GALNT13: variants seen among roughly 807,000 people sequenced by gnomAD.
GALNT13 encodes the protein polypeptide N-acetylgalactosaminyltransferase 13, also known as UDP-GalNAc:polypeptide N-acetylgalactosaminyltransferase 13.
In GALNT13, 28 loss-of-function variants were observed where a neutral mutation model predicts 64.2. That is an observed-to-expected ratio of 0.44 (90% CI 0.32 to 0.60). GALNT13 has a LOEUF of 0.60. Ranked by LOEUF, GALNT13 falls within the 20% of genes least tolerant of loss-of-function variation. The pLI, the probability that GALNT13 is intolerant of heterozygous loss-of-function variation, is 0.05. For missense variants in GALNT13, 577 were observed against 669.8 expected (o/e 0.86, Z 1.53); for synonymous variants, 214 against 224.6 (o/e 0.95, Z 0.42).
At chr2:153,729,122 TC>T in the GALNT13 span, among the ~76,000 whole-genome samples, 2 of 152,298 alleles carry the variant, frequency 1.3e-5, no homozygotes, top group East Asian at 3.9e-4. Flanking sequence ...GAAGGACTAC[TC>T]CCTAACTCAT....
the GALNT13 span, among the ~76,000 whole-genome samples, chr2:153,204,805 T>G: frequency 6.6e-6 from 1 of 152,128 alleles, no homozygotes; most frequent in Admixed American, 6.5e-5. Flanking sequence ...TATCTATACA[T>G]GCTTGTATAT....
chr2:153,161,352 C>T, the GALNT13 span, among the ~76,000 whole-genome samples: 3 of 152,148 alleles, frequency 2.0e-5, no homozygotes, highest in Non-Finnish European at 4.4e-5. Context: ...ACCAAGGATA[C>T]AGCAGTGAAA....
At chr2:154,304,696 C>A (rs1283177509) in intron 9 of GALNT13, among the ~76,000 whole-genome samples, 1 of 152,152 alleles carries the variant, frequency 6.6e-6, no homozygotes, top group East Asian at 1.9e-4. Flanking sequence ...GAACTAATGA[C>A]TTTATGTTGC....
At chr2:154,164,158 T>G (rs1684892112) in intron 4 of GALNT13, among the ~76,000 whole-genome samples, 1 of 151,972 alleles carries the variant, frequency 6.6e-6, no homozygotes, top group African/African-American at 2.4e-5. Context: ...TATTCTAATG[T>G]CCCAACATAT....
chr2:153,639,929 G>A, the GALNT13 span, among the ~76,000 whole-genome samples: 5 of 152,010 alleles, frequency 3.3e-5, no homozygotes, highest in African/African-American at 9.7e-5. Flanking sequence ...GGAAATTCTC[G>A]GCTTCCTGTA....
intron 3 of GALNT13, among the ~76,000 whole-genome samples, chr2:154,114,587 T>TTCCTTAAGGGG (rs988001009): frequency 6.6e-6 from 1 of 152,236 alleles, no homozygotes; most frequent in Admixed American, 6.5e-5. Context: ...AGTGGGGTCC[T>TTCCTTAAGGGG]TCCTTAAGGG....
chr2:154,117,639 C>T (rs761264862), intron 3 of GALNT13, among the ~76,000 whole-genome samples: 14 of 152,086 alleles, frequency 9.2e-5, no homozygotes, highest in Non-Finnish European at 1.8e-4. Flanking sequence ...CATAAATAGA[C>T]ACATTGACCA....
chr2:153,803,691 CAAAAAA>C, the GALNT13 span, among the ~76,000 whole-genome samples: 56 of 105,100 alleles, frequency 5.3e-4, no homozygotes, highest in African/African-American at 1.9e-3. Flanking sequence ...GACTCTGTCT[CAAAAAA>C]AAAAAAAAAA....
At chr2:154,323,427 T>G (rs542396415) in intron 9 of GALNT13, among the ~76,000 whole-genome samples, 1 of 152,208 alleles carries the variant, frequency 6.6e-6, no homozygotes, top group African/African-American at 2.4e-5. Flanking sequence ...CTAAATAGCT[T>G]ATTTATTTGT....
At chr2:153,617,510 T>G in the GALNT13 span, among the ~76,000 whole-genome samples, 64 of 151,940 alleles carry the variant, frequency 4.2e-4, no homozygotes, top group African/African-American at 1.5e-3. Context: ...AGACATTGGC[T>G]TGTAGTTTTA....
rs79182332 is a variant in GALNT13 at position 154,352,862 on chromosome 2, G to T, written c.1157-43129G>T. ...TTCTGTGGAATTTGGCAAGTCCAGTGCAGTGTCTAACTGGGACCATCTCCT... is the reference window on the plus strand; with the variant it reads ...TTCTGTGGAATTTGGCAAGTCCAGTTCAGTGTCTAACTGGGACCATCTCCT... On this transcript the variant is annotated intron_variant, in intron 9 of 12. Coordinates refer to ENST00000392825, the MANE Select transcript of GALNT13 (RefSeq NM_052917.4). 2.3e-3 allele frequency among the ~76,000 whole-genome samples: 353 copies of T among 152,264 alleles called. 3 individuals are homozygous for T. Among genetic ancestry groups the T allele is most frequent in the African/African-American group, 8.2e-3 (342 of 41,550 alleles).
chr2:153,682,072 A>G, the GALNT13 span, among the ~76,000 whole-genome samples: 5 of 151,726 alleles, frequency 3.3e-5, no homozygotes, highest in African/African-American at 1.2e-4. Context: ...CGTGGCATAT[A>G]CTGTACACTA....
chr2:154,233,052 AAAAAAG>A (rs1477938938), intron 4 of GALNT13, among the ~76,000 whole-genome samples: 5 of 151,418 alleles, frequency 3.3e-5, no homozygotes, highest in African/African-American at 7.2e-5. Context: ...AAAAAAAAAA[AAAAAAG>A]AAAAAGAAAA....
the GALNT13 span, among the ~76,000 whole-genome samples, chr2:153,728,203 A>T: frequency 6.6e-6 from 1 of 152,200 alleles, no homozygotes; most frequent in Non-Finnish European, 1.5e-5. Flanking sequence ...TGCAATAAAC[A>T]TACGTGTGCA....
intron 3 of GALNT13, among the ~76,000 whole-genome samples, chr2:154,022,935 G>C (rs908819531): frequency 3.3e-5 from 5 of 152,136 alleles, no homozygotes; most frequent in African/African-American, 1.2e-4. Flanking sequence ...CTTTATTTCT[G>C]CCTTCATTTC....
intron 8 of GALNT13, among the ~76,000 whole-genome samples, chr2:154,271,369 A>T (rs980620253): frequency 2.0e-5 from 3 of 152,102 alleles, no homozygotes; most frequent in Admixed American, 1.3e-4. Flanking sequence ...AATTTTGGAG[A>T]AGTTAAATAT....
At chr2:153,508,656 G>A in the GALNT13 span, among the ~76,000 whole-genome samples, 8 of 152,204 alleles carry the variant, frequency 5.3e-5, no homozygotes, top group Non-Finnish European at 8.8e-5. Context: ...CCCCGCTGAT[G>A]AAGCAAGTTG....
the GALNT13 span, among the ~76,000 whole-genome samples, chr2:153,310,137 T>C: frequency 9.9e-5 from 15 of 152,238 alleles, no homozygotes; most frequent in Non-Finnish European, 1.9e-4. Context: ...TAATGAAACC[T>C]ATTCTATAAT....
At chr2:154,370,153 A>G (rs1383211339) in intron 9 of GALNT13, among the ~76,000 whole-genome samples, 1 of 152,068 alleles carries the variant, frequency 6.6e-6, no homozygotes, top group African/African-American at 2.4e-5. Context: ...TGGGGGATAC[A>G]AGTCAGTCTC....
Sources: allele counts gnomAD v4.1 joint callset (sites outside exome capture counted in the v4.1 genomes callset), GRCh38; gene constraint gnomAD v4.1.1; transcripts MANE v1.5; gene names NCBI Gene and HGNC (gene_info 2026-07-23, HGNC 2026-07-21).